The following LRRC34 variants were observed in gnomAD, a reference collection of about 807,000 sequenced individuals.
LRRC34 encodes the protein leucine rich repeat containing 34, also known as leucine-rich repeat-containing protein 34.
In LRRC34, 44 loss-of-function variants were observed where a neutral mutation model predicts 48.5. That is an observed-to-expected ratio of 0.91 (90% confidence interval 0.71 to 1.17). The LOEUF (loss-of-function observed/expected upper bound fraction) is 1.17, where lower values mean the gene tolerates loss of function less well. LRRC34 is among the 50% of genes most tolerant of loss of function. The pLI, the probability that LRRC34 is intolerant of heterozygous loss-of-function variation, is 0.00. For missense variants in LRRC34, 502 were observed against 563.0 expected (o/e 0.89, Z 1.10); for synonymous variants, 192 against 197.6 (o/e 0.97, Z 0.24).
At chr3:169,804,861 T>A (rs766360603) in intron 5 of LRRC34, among the ~76,000 whole-genome samples, 103 of 152,352 alleles carry the variant, frequency 6.8e-4, no homozygotes, top group Non-Finnish European at 1.2e-3. Flanking sequence ...ATTTAGTACA[T>A]TCACAATATT....
intron 2 of LRRC34, chr3:169,808,170 C>T (rs1370772920): frequency 1.3e-5 from 2 of 155,576 alleles, no homozygotes; most frequent in Admixed American, 6.5e-5. Flanking sequence ...AAAAATTAGC[C>T]GGGCATGGTG....
At chr3:169,811,041 C>T (rs1026085450) in intron 1 of LRRC34, among the ~76,000 whole-genome samples, 5 of 152,198 alleles carry the variant, frequency 3.3e-5, no homozygotes, top group African/African-American at 1.2e-4. Context: ...CACTGCACTC[C>T]AGCCTGGGCG....
chr3:169,794,928 G>A (rs1333345166), intron 10 of LRRC34: 1 of 152,126 alleles, frequency 6.6e-6, no homozygotes, highest in East Asian at 1.9e-4. Context: ...TAAAAGTAAG[G>A]GTTGGTTTTT....
chr3:169,808,315 G>GAA lies in LRRC34; in HGVS notation c.257+311_257+312dup, dbSNP rs796111859. On this transcript the variant is annotated intron_variant, in intron 2 of 10. Transcript: ENST00000446859. ...GGCGACAGAGGGAGGCACCATCTCAGAAAAAAAAAAAAAAAAAAAAGATTC... is the reference window on the plus strand; with the variant it reads ...GGCGACAGAGGGAGGCACCATCTCAGAAAAAAAAAAAAAAAAAAAAAAGATTC... Among the ~76,000 whole-genome samples the GAA allele has an allele frequency of 3.6e-4, 19 of 52,794 alleles. No homozygotes were observed. In the South Asian group the frequency reaches 4.0e-3, roughly 11 times the overall value. The allele number at this position is 52,794 out of a possible 152,430, so 34.6% of individuals were successfully genotyped here. A position where few individuals can be genotyped will look rare whatever the true frequency, so the allele number is the denominator to read the frequency against.
intron 1 of LRRC34, among the ~76,000 whole-genome samples, chr3:169,810,920 C>T (rs1006175615): frequency 6.6e-6 from 1 of 152,166 alleles, no homozygotes; most frequent in African/African-American, 2.4e-5. Flanking sequence ...CAAAAATTAG[C>T]TGGTGTGGTG....
At chr3:169,811,648 T>C (rs1207456396) in intron 1 of LRRC34, among the ~76,000 whole-genome samples, 1 of 152,164 alleles carries the variant, frequency 6.6e-6, no homozygotes, top group Non-Finnish European at 1.5e-5. Context: ...ACTTAGGAGG[T>C]AGATCCCTCC....
chr3:169,807,718 A>T lies in LRRC34; in HGVS notation c.258-9T>A. 6.7e-7 allele frequency: 1 copy of T among 1,487,200 alleles called. No homozygotes were observed. The highest frequency in any genetic ancestry group is 8.9e-7 in the Non-Finnish European group (1 of 1,122,388). 92.1% of individuals were successfully genotyped at this position (1,487,200 alleles called of 1,614,324 possible). On this transcript the variant is annotated splice_polypyrimidine_tract_variant and intron_variant, in intron 2 of 10. Transcript: ENST00000446859. ...TGATTCCTGCTGCTAGCCTGTTAAA[A>T]TACAAAAAAAAAAAAAAAAAAAAAA...
chr3:169,807,377 T>C, intron 4 of LRRC34, 49 bp downstream of exon 4: 7 of 1,518,388 alleles, frequency 4.6e-6, no homozygotes, highest in Non-Finnish European at 5.5e-6. Flanking sequence ...ATTAGACTAA[T>C]TGGTTTCATT....
chr3:169,807,465 TAGA>T lies in LRRC34; in HGVS notation c.402_404del (p.Leu135del). 1 of 1,613,988 alleles carries T rather than the reference TAGA, an allele frequency of 6.2e-7. No homozygotes were observed. On this transcript the variant is annotated inframe_deletion, in exon 4 of 11. Coordinates refer to ENST00000446859, the MANE Select transcript of LRRC34 (RefSeq NM_001172779.2). The stretch of plus-strand genomic sequence containing the variant: ...CAGCATAGTATGCACCAACATCACA[TAGA>T]AGGTTATATCCAACATCCAAACCTG...
chr3:169,796,409 A>G (rs902181414), intron 8 of LRRC34, 40 bp from the exon 9 acceptor site: 1 of 1,577,910 alleles, frequency 6.3e-7, no homozygotes, highest in South Asian at 1.2e-5. Context: ...AATATGAAAT[A>G]GTGTTTTTAT....
intron 6 of LRRC34, among the ~76,000 whole-genome samples, chr3:169,803,037 C>T (rs977494509): frequency 2.6e-5 from 4 of 151,970 alleles, no homozygotes; most frequent in Non-Finnish European, 4.4e-5. Flanking sequence ...CCTGGCCCAT[C>T]TTATTTTCAT....
chr3:169,796,045 C>T, intron 9 of LRRC34, 169 bp downstream of exon 9: 1 of 1,304,618 alleles, frequency 7.7e-7, no homozygotes, highest in Non-Finnish European at 9.8e-7. Flanking sequence ...TTGTAAAAGA[C>T]ATTACATTTG....
At chr3:169,806,594 AT>A (rs1271089897) in intron 5 of LRRC34, among the ~76,000 whole-genome samples, 1 of 152,100 alleles carries the variant, frequency 6.6e-6, no homozygotes, top group Non-Finnish European at 1.5e-5. Flanking sequence ...AGCCCTGTGA[AT>A]ATATTAATAC....
Position 169,812,685 on chromosome 3 carries a change from C to T in LRRC34, c.-137G>A. On this transcript the variant is annotated 5_prime_UTR_variant, in exon 1 of 11. Transcript: ENST00000446859. The surrounding 1 kb of genome is among the most constrained non-coding windows in gnomAD (Gnocchi z 4.3). ...TCACTGCTAAGGCAGTGACCGCCTA[C>T]TCTGTGGAGGTCCTTTGTCACCCTG... 2.4e-6 allele frequency: 3 copies of T among 1,241,388 alleles called. No homozygotes were observed. The South Asian group carries it at 5.3e-5, about 22-fold the overall frequency. The allele number at this position is 1,241,388 out of a possible 1,614,324, so 76.9% of individuals were successfully genotyped here.
At chr3:169,798,455 C>T (rs1023510938) in intron 7 of LRRC34, among the ~76,000 whole-genome samples, 8 of 152,042 alleles carry the variant, frequency 5.3e-5, no homozygotes, top group Non-Finnish European at 8.8e-5. Flanking sequence ...CAGTAAAACC[C>T]GTACATGGAA....
chr3:169,810,123 T>C (rs1779510656), intron 1 of LRRC34, among the ~76,000 whole-genome samples: 1 of 151,756 alleles, frequency 6.6e-6, no homozygotes, highest in Admixed American at 6.6e-5. Flanking sequence ...CACCCAGCTA[T>C]AAAGACGGGG....
In LRRC34 at chr3:169,812,498, G is replaced by T; in HGVS notation, c.51C>A (p.Ser17=). Residue 17 remains serine (S), a synonymous_variant, in exon 1 of 11, where the codon TCC becomes TCA. Coordinates refer to ENST00000446859, the MANE Select transcript of LRRC34 (RefSeq NM_001172779.2). The surrounding 1 kb of genome is among the most constrained non-coding windows in gnomAD (Gnocchi z 4.3). The stretch of plus-strand genomic sequence containing the variant: ...TGGCCGGCGCACGGGCGGCCTCCCG[G>T]GAGCTCCCCATGCTCCTCTCACCCA... ...RPVGERSMGS[S]REAARAPARS... The T allele has an allele frequency of 6.5e-7, 1 of 1,527,832 alleles. No individual in the cohort carries two copies. Among genetic ancestry groups the T allele is most frequent in the East Asian group, 2.5e-5 (1 of 39,716 alleles). The allele number at this position is 1,527,832 out of a possible 1,614,324, so 94.6% of individuals were successfully genotyped here.
chr3:169,803,198 T>C (rs1391507264), intron 6 of LRRC34, among the ~76,000 whole-genome samples: 1 of 152,096 alleles, frequency 6.6e-6, no homozygotes, highest in African/African-American at 2.4e-5. Flanking sequence ...TCAAAGCGAC[T>C]TTTATCTTTT....
chr3:169,795,277 G>C (rs1038042068), intron 10 of LRRC34: 3 of 324,654 alleles, frequency 9.2e-6, no homozygotes, highest in Non-Finnish European at 1.6e-5. Flanking sequence ...GTGTCATTCA[G>C]TGATGTGTAA....
Sources: gnomAD v4.1 joint callset for allele counts (sites outside exome capture counted in the v4.1 genomes callset) on GRCh38, gnomAD v4.1.1 for gene constraint, Gnocchi (gnomAD v3.1) non-coding constraint, MANE v1.5 for transcripts, NCBI Gene and HGNC (gene_info 2026-07-23, HGNC 2026-07-21) for gene names.